Variants in GPC3 observed in about 807,000 individuals in gnomAD.
GPC3 encodes glypican-3.
Under a neutral mutation model 34.4 loss-of-function variants are expected in GPC3, and 3 were observed. The observed-to-expected ratio is 0.09, with a 90% CI of 0.04 to 0.23. The LOEUF is 0.23. Among genes scored for constraint, GPC3 ranks in the 10% least tolerant of loss-of-function variants. GPC3 has a pLI of 1.00. For missense variants in GPC3, 351 were observed against 445.6 expected (o/e 0.79, Z 1.91); for synonymous variants, 177 against 174.0 (o/e 1.02, Z -0.13).
chrX:133,716,933 C>G (rs1157009627), intron 3 of GPC3, among the ~76,000 whole-genome samples: 1 of 111,235 alleles, frequency 9.0e-6, no homozygotes, highest in African/African-American at 3.3e-5. Flanking sequence ...AAAGGGCCCT[C>G]AATAAGATTA....
At chrX:133,603,741 TGGAA>T (rs2070014014) in intron 6 of GPC3, among the ~76,000 whole-genome samples, 1 of 111,108 alleles carries the variant, frequency 9.0e-6, no homozygotes, top group Non-Finnish European at 1.9e-5. Context: ...TTAAGAAAAT[TGGAA>T]ACACAATGAA....
chrX:133,758,465 C>T lies in GPC3; in HGVS notation c.338-4289G>A, dbSNP rs138477875. Among the ~76,000 whole-genome samples the T allele has an allele frequency of 4.8e-3, 536 of 111,300 alleles. 3 individuals carry two copies. Among genetic ancestry groups the T allele is most frequent in the African/African-American group, 0.016 (502 of 30,661 alleles). On this transcript the variant is annotated intron_variant, in intron 2 of 7. Transcript: ENST00000370818. ...AATGCAGGAACAGAAAACCTAACAC[C>T]GCATGTTCTCATTTGTAAGTGGGAA...
chrX:133,927,727 C>T (rs2076281798), intron 2 of GPC3, among the ~76,000 whole-genome samples: 1 of 109,729 alleles, frequency 9.1e-6, no homozygotes, highest in South Asian at 3.9e-4. Context: ...ATCCATCTGC[C>T]ACAGCCTCCC....
intron 3 of GPC3, among the ~76,000 whole-genome samples, chrX:133,730,111 A>G (rs1431081899): frequency 8.9e-6 from 1 of 112,016 alleles, no homozygotes; most frequent in South Asian, 3.8e-4. Flanking sequence ...CTATAATTCA[A>G]TTGTACTAAT....
intron 5 of GPC3, among the ~76,000 whole-genome samples, chrX:133,677,016 G>T (rs1251164223): frequency 9.0e-6 from 1 of 111,566 alleles, no homozygotes; most frequent in South Asian, 3.8e-4. Context: ...GGACAGTTGT[G>T]TCAAATATTA....
At chrX:133,978,192 C>A (rs1269759958) in intron 1 of GPC3, among the ~76,000 whole-genome samples, 1 of 112,239 alleles carries the variant, frequency 8.9e-6, no homozygotes, top group African/African-American at 3.2e-5. Flanking sequence ...CTCGGCCTAC[C>A]AAAGTGTTGG....
chrX:133,962,635 G>A (rs1196147073), intron 1 of GPC3, among the ~76,000 whole-genome samples: 1 of 112,094 alleles, frequency 8.9e-6, no homozygotes, highest in Non-Finnish European at 1.9e-5. Flanking sequence ...TTAGAATTCT[G>A]CCAGAGGGAC....
chrX:133,647,237 A>G (rs1481582008), intron 6 of GPC3, among the ~76,000 whole-genome samples: 1 of 112,603 alleles, frequency 8.9e-6, no homozygotes, highest in Non-Finnish European at 1.9e-5. Flanking sequence ...TATTTATGCA[A>G]TAAATAGTTA....
chrX:133,671,062 G>A lies in GPC3; in HGVS notation c.1293-9212C>T, dbSNP rs1319742329. The A allele has an allele frequency of 2.6e-5, 15 of 574,960 alleles. No individual in the cohort carries two copies. The East Asian group carries it at 4.9e-4, about 19-fold the overall frequency. 47.4% of individuals were successfully genotyped at this position (574,960 alleles called of 1,213,427 possible). Reference sequence around the variant, plus strand: ...ATGGTCATTGATGTCCTTGACCCCAGGAAGGCAACAGTGCCTAAGACAGAA... The same window carrying A: ...ATGGTCATTGATGTCCTTGACCCCAAGAAGGCAACAGTGCCTAAGACAGAA... On this transcript the variant is annotated intron_variant, in intron 5 of 7. Coordinates refer to ENST00000370818, the MANE Select transcript of GPC3 (RefSeq NM_004484.4).
At chrX:133,841,083 C>A (rs1220859054) in intron 2 of GPC3, among the ~76,000 whole-genome samples, 1 of 108,070 alleles carries the variant, frequency 9.3e-6, no homozygotes, top group Non-Finnish European at 1.9e-5. Context: ...TGAGAAAGTT[C>A]TTGTTCTGTC....
chrX:133,661,650 T>TCG (rs2070727422), intron 6 of GPC3, 80 bp downstream of exon 6: 1 of 72,339 alleles, frequency 1.4e-5, no homozygotes, highest in African/African-American at 6.6e-5. Context: ...CCCCTCTCTC[T>TCG]CCCCCTCTCT....
At chrX:133,731,115 C>T (rs2071458490) in intron 3 of GPC3, among the ~76,000 whole-genome samples, 1 of 112,440 alleles carries the variant, frequency 8.9e-6, no homozygotes, top group Admixed American at 9.4e-5. Context: ...ATTTTGATAA[C>T]AGAAACAAAG....
At chrX:133,569,111 C>T (rs776918649) in intron 7 of GPC3, among the ~76,000 whole-genome samples, 4 of 111,330 alleles carry the variant, frequency 3.6e-5, no homozygotes, top group African/African-American at 6.5e-5. Context: ...GAGGCTGCAG[C>T]GAACCATGAT....
intron 3 of GPC3, among the ~76,000 whole-genome samples, chrX:133,717,209 A>G (rs1401159179): frequency 9.1e-6 from 1 of 110,186 alleles, no homozygotes; most frequent in Non-Finnish European, 1.9e-5. Flanking sequence ...TGATCTGCCC[A>G]CCTCAGCCTC....
chrX:133,576,812 A>G (rs747908901), intron 7 of GPC3, among the ~76,000 whole-genome samples: 1 of 109,715 alleles, frequency 9.1e-6, no homozygotes, highest in Admixed American at 1.0e-4. Context: ...TGTTTTGTGG[A>G]GGAGGAGGGT....
intron 2 of GPC3, among the ~76,000 whole-genome samples, chrX:133,920,604 T>C (rs1733454060): frequency 9.0e-6 from 1 of 111,329 alleles, no homozygotes; most frequent in South Asian, 3.8e-4. Flanking sequence ...ATGTATATTG[T>C]TAAGAGGAAA....
In GPC3 at chrX:133,661,774, G is replaced by C; in HGVS notation, c.1369C>G (p.Pro457Ala). 1 of 1,197,625 alleles carries C rather than the reference G, an allele frequency of 8.3e-7. No homozygotes were observed. Among genetic ancestry groups the C allele is most frequent in the South Asian group, 1.8e-5 (1 of 56,520 alleles). ...LHELKMKGPE[P>A]VVSQIIDKLK... ...TTGTCAATAATTTGACTGACCACTG[G>C]CTCAGGGCCCTTCATTTTCAGCTCA... The change falls in exon 6 of 8, where the codon CCA becomes GCA. Residue 457 changes from proline to alanine, a missense_variant. Pro to Ala is a conservative substitution (Grantham distance 27, BLOSUM62 -1). Transcript: ENST00000370818.
At chrX:133,929,304 A>G (rs776484701) in intron 2 of GPC3, among the ~76,000 whole-genome samples, 1 of 112,355 alleles carries the variant, frequency 8.9e-6, no homozygotes, top group South Asian at 3.7e-4. Context: ...CTGGTTTTCC[A>G]TATAGTTCTG....
At chrX:133,762,582 A>G (rs2071804541) in intron 2 of GPC3, among the ~76,000 whole-genome samples, 2 of 112,276 alleles carry the variant, frequency 1.8e-5, no homozygotes, top group African/African-American at 6.5e-5. Flanking sequence ...AAAAGAAGAC[A>G]TAAAAGTAGC....
Sources: gnomAD v4.1 joint callset for allele counts (sites outside exome capture counted in the v4.1 genomes callset) on GRCh38, gnomAD v4.1.1 for gene constraint, MANE v1.5 for transcripts, NCBI Gene and HGNC (gene_info 2026-07-23, HGNC 2026-07-21) for gene names.